Variants in DNAH14 observed in about 807,000 individuals in gnomAD.
DNAH14 encodes the protein dynein axonemal heavy chain 14, also known as axonemal beta dynein heavy chain 14.
In DNAH14, 478 loss-of-function variants were observed where a neutral mutation model predicts 520.9. That is an observed-to-expected ratio of 0.92 (90% CI 0.85 to 0.99). The LOEUF (loss-of-function observed/expected upper bound fraction) is 0.99, where lower values mean the gene tolerates loss of function less well. Among genes scored for constraint, DNAH14 ranks in the 50% least tolerant of loss-of-function variants. DNAH14 has a pLI of 0.00. For missense variants in DNAH14, 4,831 were observed against 5,234.5 expected, an observed-to-expected ratio of 0.92 and a Z score of 2.38; for synonymous variants, 1,581 against 1,757.2, an observed-to-expected ratio of 0.90 and a Z score of 2.51.
intron 27 of DNAH14, among the ~76,000 whole-genome samples, chr1:225,135,643 G>C (rs896832725): frequency 3.9e-5 from 6 of 152,108 alleles, no homozygotes; most frequent in East Asian, 3.9e-4. Flanking sequence ...ATATTCTGCT[G>C]TTTTGGGGTA....
Position 225,145,375 on chromosome 1 carries a change from A to G in DNAH14, c.4790A>G (p.Tyr1597Cys). The G allele has an allele frequency of 6.5e-7, 1 of 1,546,780 alleles. No homozygotes were observed. The change falls in exon 30 of 86, where the codon TAT becomes TGT. Residue 1597 changes from tyrosine to cysteine, a missense_variant. By Grantham distance (194) the Tyr-to-Cys change is radical (BLOSUM62 -2). Transcript: ENST00000682510. ...TTCAACTGTTTTGAGGATTTGGATT[A>G]TAAGGTAAACCTTAAACATATGTGT... ...VVFNCFEDLD[Y>C]KIVRKFFFGL...
intron 8 of DNAH14, among the ~76,000 whole-genome samples, chr1:224,991,112 T>TTTTTTTTTTTTTTTTGTG (rs2063009673): frequency 7.5e-6 from 1 of 133,976 alleles, no homozygotes. Context: ...TTTTTTTTTT[T>TTTTTTTTTTTTTTTTGTG]GAGACGGAGT....
chr1:225,221,602 A>G (rs978474785), intron 41 of DNAH14, among the ~76,000 whole-genome samples: 1 of 152,254 alleles, frequency 6.6e-6, no homozygotes, highest in African/African-American at 2.4e-5. Context: ...ACAATGAGAT[A>G]CCATCTCATG....
intron 58 of DNAH14, among the ~76,000 whole-genome samples, chr1:225,305,867 T>C (rs768575064): frequency 1.2e-4 from 19 of 152,252 alleles, no homozygotes; most frequent in Non-Finnish European, 2.4e-4. Flanking sequence ...TTACACTGAC[T>C]GGGGCCTGGG....
intron 8 of DNAH14, among the ~76,000 whole-genome samples, chr1:224,983,566 G>T (rs1028567229): frequency 6.6e-6 from 1 of 152,086 alleles, no homozygotes; most frequent in Non-Finnish European, 1.5e-5. Flanking sequence ...AACAAGAGAA[G>T]GAGATAAAGG....
At chr1:225,228,176 C>T (rs2090735405) in intron 41 of DNAH14, among the ~76,000 whole-genome samples, 1 of 152,214 alleles carries the variant, frequency 6.6e-6, no homozygotes, top group African/African-American at 2.4e-5. Flanking sequence ...TTGGCAACTG[C>T]TATTGTTGCT....
chr1:225,104,708 A>G (rs1389806323), intron 23 of DNAH14, among the ~76,000 whole-genome samples: 4 of 152,066 alleles, frequency 2.6e-5, no homozygotes, highest in Non-Finnish European at 5.9e-5. Flanking sequence ...GGTAGTTTGT[A>G]TTTCTGTGGG....
chr1:225,097,327 A>G (rs1232991251), intron 22 of DNAH14, 88 bp downstream of exon 22: 8 of 1,267,618 alleles, frequency 6.3e-6, no homozygotes, highest in African/African-American at 1.5e-5. Flanking sequence ...CATTTCTTCA[A>G]TGAACAAACT....
chr1:225,113,163 T>A (rs1171690955), intron 23 of DNAH14, among the ~76,000 whole-genome samples: 1 of 152,158 alleles, frequency 6.6e-6, no homozygotes. Context: ...TTACTATCTA[T>A]GTTATTGCTC....
chr1:225,274,299 G>A (rs1234333897), intron 52 of DNAH14, among the ~76,000 whole-genome samples: 2 of 149,208 alleles, frequency 1.3e-5, no homozygotes, highest in Non-Finnish European at 1.5e-5. Flanking sequence ...CCGCCTTCCG[G>A]GTTCACGCCA....
rs141755885 is a variant in DNAH14 at position 225,008,746 on chromosome 1, C to T, written c.1107+1202C>T. Among the ~76,000 whole-genome samples, 180 of 151,992 alleles carry T rather than the reference C, an allele frequency of 1.2e-3. 1 individual carries two copies. The highest frequency in any genetic ancestry group is 4.2e-3 in the African/African-American group (173 of 41,478). On this transcript the variant is annotated intron_variant, in intron 10 of 85. Coordinates refer to ENST00000682510, the MANE Select transcript of DNAH14 (RefSeq NM_001367479.1). ...GGCCGTTTCCTGACTTTTTAATGAT[C>T]GCCCTTCTAACTGGCATGAGATGGT...
intron 22 of DNAH14, among the ~76,000 whole-genome samples, chr1:225,098,226 C>G (rs2075162623): frequency 1.3e-5 from 2 of 151,606 alleles, no homozygotes; most frequent in South Asian, 2.1e-4. Context: ...CAATTTATTA[C>G]TATTACTTTG....
intron 73 of DNAH14, among the ~76,000 whole-genome samples, chr1:225,356,438 A>C (rs1383544677): frequency 1.3e-5 from 2 of 152,182 alleles, no homozygotes. Context: ...TTCTTTTAGA[A>C]GAGGATTTTC....
intron 61 of DNAH14, among the ~76,000 whole-genome samples, chr1:225,322,121 C>A: frequency 9.5e-6 from 1 of 105,520 alleles, no homozygotes; most frequent in East Asian, 3.2e-4. Context: ...GACAGTGTCT[C>A]ACTTTGTCGC....
At chr1:225,205,885 C>T (rs12097990) in intron 39 of DNAH14, 86 bp from the exon 40 acceptor site, 143,874 of 1,147,760 alleles carry the variant, frequency 0.13, 11,131 homozygotes, top group East Asian at 0.33. Context: ...GAAAATATGT[C>T]CTAAGTAAAA....
intron 17 of DNAH14, among the ~76,000 whole-genome samples, chr1:225,065,756 G>T (rs1232800104): frequency 6.6e-6 from 1 of 151,876 alleles, no homozygotes; most frequent in Non-Finnish European, 1.5e-5. Context: ...CATTTTATTT[G>T]TCCATTCATC....
chr1:225,351,065 C>T (rs186423956), intron 71 of DNAH14, among the ~76,000 whole-genome samples: 38 of 152,248 alleles, frequency 2.5e-4, no homozygotes, highest in Non-Finnish European at 4.1e-4. Flanking sequence ...CTCAGTTTCA[C>T]AACAGTATGA....
intron 38 of DNAH14, among the ~76,000 whole-genome samples, chr1:225,194,795 A>G (rs763407753): frequency 6.6e-6 from 1 of 151,386 alleles, no homozygotes; most frequent in African/African-American, 2.4e-5. Context: ...TCTGGAATCC[A>G]TAAGAAACTT....
chr1:225,150,799 G>A (rs1333856009), intron 31 of DNAH14, among the ~76,000 whole-genome samples: 1 of 152,042 alleles, frequency 6.6e-6, no homozygotes, highest in East Asian at 1.9e-4. Context: ...GCATGATCTC[G>A]GCTTACTGCA....
Sources: gnomAD v4.1 joint callset for allele counts (sites outside exome capture counted in the v4.1 genomes callset) on GRCh38, gnomAD v4.1.1 for gene constraint, MANE v1.5 for transcripts, NCBI Gene and HGNC (gene_info 2026-07-23, HGNC 2026-07-21) for gene names.